CKAP2L: variants seen among roughly 807,000 people sequenced by gnomAD.
CKAP2L encodes the protein cytoskeleton-associated protein 2-like.
In CKAP2L, 42 loss-of-function variants were observed where a neutral mutation model predicts 65.7. The ratio of observed to expected loss-of-function variants is 0.64; its 90% CI spans 0.50 to 0.83. The LOEUF is 0.83. Among genes scored for constraint, CKAP2L ranks in the 40% least tolerant of loss-of-function variants. CKAP2L has a pLI of 0.00. For synonymous variants in CKAP2L, 325 were observed against 313.5 expected, an observed-to-expected ratio of 1.04 and a Z score of -0.39; for missense variants, 908 against 871.0, an observed-to-expected ratio of 1.04 and a Z score of -0.53.
chr2:112,752,750 T>A (rs1256323161), intron 4 of CKAP2L, among the ~76,000 whole-genome samples: 2 of 152,110 alleles, frequency 1.3e-5, no homozygotes, highest in Admixed American at 1.3e-4. Flanking sequence ...TCTCGGAAAG[T>A]TTTCACTTCA....
chr2:112,752,893 A>G (rs1478913033), intron 4 of CKAP2L, among the ~76,000 whole-genome samples: 1 of 152,132 alleles, frequency 6.6e-6, no homozygotes, highest in African/African-American at 2.4e-5. Context: ...TACCCTCAAT[A>G]AGGTCTTGGT....
intron 3 of CKAP2L, 111 bp downstream of exon 3, chr2:112,760,602 G>C (rs1680688423): frequency 1.7e-6 from 1 of 592,920 alleles, no homozygotes; most frequent in African/African-American, 2.0e-5. Flanking sequence ...TTTTATATCT[G>C]TAAGAAATAC....
chr2:112,757,102 T>C lies in CKAP2L; in HGVS notation c.269A>G (p.Lys90Arg). 6.2e-7 allele frequency: 1 copy of C among 1,614,216 alleles called. No homozygotes were observed. The highest frequency in any genetic ancestry group is 1.1e-5 in the South Asian group (1 of 91,088). Residue 90 changes from lysine (K) to arginine (R), a missense_variant, in exon 4 of 9, where the codon AAG (lysine) becomes AGG (arginine). Lys to Arg is a conservative substitution (Grantham distance 26). Coordinates refer to ENST00000302450, the MANE Select transcript of CKAP2L (RefSeq NM_152515.5). ...AAGTTTTGGTGGCTCCAACTTCGGC[T>C]TCTGGGACCCTGCAGTATTAGGTGG... ...PRPPNTAGSQ[K>R]PKLEPPKLLG...
In CKAP2L at chr2:112,756,629, C is replaced by T; in HGVS notation, c.742G>A (p.Glu248Lys). The change falls in exon 4 of 9, where the codon GAA (glutamate) becomes AAA (lysine). Residue 248 changes from glutamate (E) to lysine (K), a missense_variant. Transcript: ENST00000302450. Reference sequence around the variant, plus strand: ...ACTGGGAAAGTCCTGCTTTGTGTTTCTCCAACAAATTGTTTATTAACCCTA... The same window carrying T: ...ACTGGGAAAGTCCTGCTTTGTGTTTTTCCAACAAATTGTTTATTAACCCTA... ...KDRVNKQFVG[E>K]TQSRTFPVKS... is the part of the protein sequence containing the mutation. 11 of 1,611,246 alleles carry T rather than the reference C, an allele frequency of 6.8e-6. No homozygotes were observed. Among genetic ancestry groups the T allele is most frequent in the Non-Finnish European group, 9.3e-6 (11 of 1,179,150 alleles).
At chr2:112,763,724 G>C (rs1478082102) in intron 1 of CKAP2L, 1 of 152,226 alleles carries the variant, frequency 6.6e-6, no homozygotes, top group Non-Finnish European at 1.5e-5. Flanking sequence ...GAACGGAGTT[G>C]CCCTGTTTTG....
rs144184277 is a variant in CKAP2L, at chr2:112,753,081, G to C, written c.1395-607C>G. Among the ~76,000 whole-genome samples, 1,286 of 152,116 alleles carry C rather than the reference G, an allele frequency of 8.5e-3. 20 individuals carry two copies. The highest frequency in any genetic ancestry group is 0.021 in the Admixed American group (316 of 15,280). ...CTAACAGGTGATAGACTGCTTTTTG[G>C]GGGTAGGGGCACCAAGACATATAGA... On this transcript the variant is annotated intron_variant, in intron 4 of 8. Transcript: ENST00000302450.
Position 112,757,055 on chromosome 2 carries a change from C to G in CKAP2L, c.316G>C (p.Glu106Gln), listed in dbSNP as rs759119360. Reference sequence around the variant, plus strand: ...GAGTATGGGTTAGAAGAAACACATTCTGAAGTCAGCCTTTTGCCCAGAAGT... The same window carrying G: ...GAGTATGGGTTAGAAGAAACACATTGTGAAGTCAGCCTTTTGCCCAGAAGT... ...PKLLGKRLTS[E>Q]CVSSNPYSKP... The change falls in exon 4 of 9, where the codon GAA (glutamate) becomes CAA (glutamine). Residue 106 changes from glutamate to glutamine, a missense_variant. Transcript: ENST00000302450. 4.3e-6 allele frequency: 7 copies of G among 1,614,184 alleles called. No homozygotes were observed. The highest frequency in any genetic ancestry group is 5.9e-6 in the Non-Finnish European group (7 of 1,180,030).
intron 6 of CKAP2L, among the ~76,000 whole-genome samples, chr2:112,745,590 C>G (rs541075621): frequency 2.6e-5 from 4 of 152,052 alleles, no homozygotes; most frequent in Non-Finnish European, 5.9e-5. Context: ...ACCATGTTAG[C>G]CAAAATGGTC....
intron 2 of CKAP2L, among the ~76,000 whole-genome samples, chr2:112,761,312 T>G (rs1411184167): frequency 6.6e-6 from 1 of 151,614 alleles, no homozygotes; most frequent in African/African-American, 2.4e-5. Context: ...TACAAAAAAA[T>G]TAGCTGGGCA....
rs1679562363 is a variant in CKAP2L, at chr2:112,738,608, T to C, written c.*215A>G. The C allele has an allele frequency of 1.8e-6, 1 of 561,780 alleles. No homozygotes were observed. Among genetic ancestry groups the C allele is most frequent in the Non-Finnish European group, 3.1e-6 (1 of 317,874 alleles). The allele number at this position is 561,780 out of a possible 1,614,324, so 34.8% of individuals were successfully genotyped here. A position where few individuals can be genotyped will look rare whatever the true frequency, so the allele number is the denominator to read the frequency against. On this transcript the variant is annotated 3_prime_UTR_variant, in exon 9 of 9. Transcript: ENST00000302450. The stretch of plus-strand genomic sequence containing the variant: ...TATTCAAAAGTTTGAAATTTATGTA[T>C]ACTGTAAAACTGGCAAACTGGTCTT...
chr2:112,742,934 A>G (rs925810548), intron 6 of CKAP2L, 165 bp from the exon 7 acceptor site: 2 of 581,160 alleles, frequency 3.4e-6, no homozygotes, highest in Non-Finnish European at 6.0e-6. Flanking sequence ...GCTTCATGAG[A>G]AAAGTAAAGG....
chr2:112,759,971 A>G (rs1680671367), intron 3 of CKAP2L, among the ~76,000 whole-genome samples: 1 of 151,988 alleles, frequency 6.6e-6, no homozygotes. Flanking sequence ...AATCATTAAA[A>G]CTTATTAAAA....
At chr2:112,748,731 T>G (rs1447186613) in intron 5 of CKAP2L, among the ~76,000 whole-genome samples, 4 of 152,054 alleles carry the variant, frequency 2.6e-5, no homozygotes, top group African/African-American at 7.2e-5. Context: ...TGTAGTGGTG[T>G]GTACCTGTAG....
At chr2:112,742,818 A>C (rs1289612303) in intron 6 of CKAP2L, 49 bp from the exon 7 acceptor site, 2 of 1,358,988 alleles carry the variant, frequency 1.5e-6, no homozygotes, top group Non-Finnish European at 2.1e-6. Context: ...ATTCATGCAA[A>C]AAATTTGCTA....
chr2:112,764,038 G>A (rs1466156245), intron 1 of CKAP2L: 1 of 161,908 alleles, frequency 6.2e-6, no homozygotes, highest in Admixed American at 6.1e-5. Context: ...GCACATCTAA[G>A]AGATTAGGGA....
In CKAP2L at chr2:112,752,419, TAGG is replaced by T. The variant is rs1322096233; in HGVS notation, c.1447_1449del (p.Pro483del). ...ACTTTTCTTTTTGTTTTAAGTTCCA[TAGG>T]AGGCCGTTTATAGGTTTTTCCCTTA... On this transcript the variant is annotated inframe_deletion, in exon 5 of 9. Transcript: ENST00000302450. 1.9e-6 allele frequency: 3 copies of T among 1,612,710 alleles called. No homozygotes were observed. In the Admixed American group the frequency reaches 5.0e-5, roughly 27 times the overall value.
At chr2:112,761,491 C>CTTGTT (rs1431068524) in intron 2 of CKAP2L, among the ~76,000 whole-genome samples, 2 of 148,814 alleles carry the variant, frequency 1.3e-5, no homozygotes, top group East Asian at 3.9e-4. Flanking sequence ...AAAAAATTTC[C>CTTGTT]TTGTTTTCAG....
chr2:112,753,526 C>CTTTTTTTTTTTTTTTTTTTTTTTTTTT (rs59027525), intron 4 of CKAP2L, among the ~76,000 whole-genome samples: 1 of 100,396 alleles, frequency 1.0e-5, no homozygotes, highest in Non-Finnish European at 1.9e-5. Context: ...AGTTTCTTTT[C>CTTTTTTTTTTTTTTTTTTTTTTTTTTT]TTTTTTTTTT....
chr2:112,751,302 AAG>A (rs1396320930), intron 5 of CKAP2L, among the ~76,000 whole-genome samples: 3 of 152,234 alleles, frequency 2.0e-5, no homozygotes, highest in Admixed American at 6.5e-5. Context: ...ATGTGAATAA[AAG>A]AATTGCAACT....
Sources: gnomAD v4.1 joint callset for allele counts (sites outside exome capture counted in the v4.1 genomes callset) on GRCh38, gnomAD v4.1.1 for gene constraint, MANE v1.5 for transcripts, NCBI Gene and HGNC (gene_info 2026-07-23, HGNC 2026-07-21) for gene names.